ZNF519: variants seen among roughly 807,000 people sequenced by gnomAD.
The protein encoded by ZNF519 is similar to Zinc finger protein 85 (Zinc finger protein HPF4) (HTF1).
In ZNF519, 7 loss-of-function variants were observed where a neutral mutation model predicts 7.4. The ratio of observed to expected loss-of-function variants is 0.94; its 90% confidence interval spans 0.54 to 1.77. ZNF519 has a LOEUF of 1.77. Ranked by LOEUF, ZNF519 falls within the 40% of genes most tolerant of loss-of-function variation. The pLI is 0.00. For missense variants in ZNF519, 586 were observed against 623.1 expected, an observed-to-expected ratio of 0.94 and a Z score of 0.63; for synonymous variants, 179 against 203.3, an observed-to-expected ratio of 0.88 and a Z score of 1.02.
chr18:14,072,368 T>C (rs942925524), downstream of ZNF519: 1 of 152,238 alleles, frequency 6.6e-6, no homozygotes, highest in African/African-American at 2.4e-5. Context: ...GTTAGCTTGT[T>C]ACATTATGGT....
intron 2 of ZNF519, among the ~76,000 whole-genome samples, chr18:14,116,115 G>A (rs1355841310): frequency 6.6e-6 from 1 of 152,030 alleles, no homozygotes; most frequent in African/African-American, 2.4e-5. Context: ...CTTACCACAT[G>A]GAATAAAACT....
rs187222406 is a variant in ZNF519, at chr18:14,132,266, C to A, written c.3+9G>T. 8,271 of 1,613,864 alleles carry A rather than the reference C, an allele frequency of 5.1e-3. 37 individuals are homozygous for A. Among genetic ancestry groups the A allele is most frequent in the Non-Finnish European group, 5.7e-3 (6,701 of 1,179,828 alleles). On this transcript the variant is annotated intron_variant, in intron 1 of 2. Transcript: ENST00000590202. ...CCCAGTCTCGGTACGCCCTGCCCCC[C>A]ACACTCACCATTTCTCGGCTTCAGG...
rs16941611 is a variant in ZNF519 at position 14,101,749 on chromosome 18, C to G, written c.*3168G>C. Reference sequence around the variant, plus strand: ...CAGGGAGATGAAGTGTCCATCAGTTCTTTGATGATGTTCTGTGTGGAGCTC... The same window carrying G: ...CAGGGAGATGAAGTGTCCATCAGTTGTTTGATGATGTTCTGTGTGGAGCTC... On this transcript the variant is annotated 3_prime_UTR_variant, in exon 3 of 3. Transcript: ENST00000590202. 6.9e-3 allele frequency: 2,732 copies of G among 398,664 alleles called. 70 individuals are homozygous for G. Among genetic ancestry groups the G allele is most frequent in the African/African-American group, 0.049 (2,383 of 48,712 alleles). The allele number at this position is 398,664 out of a possible 1,614,324, so 24.7% of individuals were successfully genotyped here.
chr18:14,094,947 C>G (rs551254182), downstream of ZNF519, among the ~76,000 whole-genome samples: 205 of 152,260 alleles, frequency 1.3e-3, 2 homozygotes, highest in Middle Eastern at 0.017. Context: ...AATTAGTGAT[C>G]TGTGTTTTTT....
intron 1 of ZNF519, among the ~76,000 whole-genome samples, chr18:14,129,383 A>C (rs1051710202): frequency 2.6e-5 from 4 of 152,106 alleles, no homozygotes; most frequent in African/African-American, 9.7e-5. Flanking sequence ...GGGTATGTTC[A>C]GGAGTGGGTT....
intron 2 of ZNF519, chr18:14,123,119 G>T: frequency 4.5e-6 from 1 of 222,620 alleles, no homozygotes. Context: ...CTTACTTGGG[G>T]GTTTGGCTAC....
chr18:14,108,068 A>G (rs2046203064), intron 2 of ZNF519, among the ~76,000 whole-genome samples: 1 of 152,134 alleles, frequency 6.6e-6, no homozygotes. Flanking sequence ...CAAATTATAA[A>G]GCCCCAGGAC....
intron 1 of ZNF519, among the ~76,000 whole-genome samples, chr18:14,128,331 C>T (rs2046311720): frequency 7.2e-6 from 1 of 139,608 alleles, no homozygotes; most frequent in Non-Finnish European, 1.5e-5. Context: ...CATAACAGAA[C>T]AGCAAGAAAA....
At chr18:14,080,158 A>AATAAAAAC (rs1299487855) in intron 3 of ZNF519, 4 of 152,256 alleles carry the variant, frequency 2.6e-5, no homozygotes, top group African/African-American at 9.6e-5. Flanking sequence ...AGGGAAAAAC[A>AATAAAAAC]AATAAGAACA....
intron 2 of ZNF519, among the ~76,000 whole-genome samples, chr18:14,087,984 TAG>T (rs1462663720): frequency 6.6e-6 from 1 of 152,122 alleles, no homozygotes; most frequent in African/African-American, 2.4e-5. Context: ...TGGAACTATG[TAG>T]AGAGAGCTGG....
intron 1 of ZNF519, among the ~76,000 whole-genome samples, chr18:14,128,741 T>C (rs900412043): frequency 2.9e-5 from 4 of 140,316 alleles, no homozygotes; most frequent in Admixed American, 2.1e-4. Flanking sequence ...AAATGACCTA[T>C]TTAACTGATA....
At chr18:14,077,877 A>G (rs1258956096) in intron 4 of ZNF519, among the ~76,000 whole-genome samples, 1 of 152,202 alleles carries the variant, frequency 6.6e-6, no homozygotes, top group Non-Finnish European at 1.5e-5. Flanking sequence ...GGGATCATAC[A>G]ATAGACTGGT....
intron 2 of ZNF519, among the ~76,000 whole-genome samples, chr18:14,113,777 C>T (rs1355972978): frequency 6.6e-6 from 1 of 151,512 alleles, no homozygotes; most frequent in Non-Finnish European, 1.5e-5. Context: ...ACTAGAGTTC[C>T]CTTTTCTCCA....
rs186927845 is a variant in ZNF519 at position 14,105,403 on chromosome 18, C to T, written c.1137G>A (p.Lys379=). The T allele has an allele frequency of 6.8e-6, 11 of 1,610,300 alleles. No homozygotes were observed. Among genetic ancestry groups the T allele is most frequent in the Admixed American group, 6.7e-5 (4 of 59,626 alleles). ...IHTGEKPFRC[K]ECGKAFNRSS... Reference sequence around the variant, plus strand: ...TTCTATTAAAGGCTTTGCCACATTCCTTACATCTGAAAGGTTTCTCTCCGG... The same window carrying T: ...TTCTATTAAAGGCTTTGCCACATTCTTTACATCTGAAAGGTTTCTCTCCGG... The change falls in exon 3 of 3, where the codon AAG becomes AAA. Residue 379 remains lysine (K), a synonymous_variant. Coordinates refer to ENST00000590202, the MANE Select transcript of ZNF519 (RefSeq NM_145287.4).
At chr18:14,120,741 A>G (rs1377351462) in intron 2 of ZNF519, among the ~76,000 whole-genome samples, 1 of 152,108 alleles carries the variant, frequency 6.6e-6, no homozygotes, top group Non-Finnish European at 1.5e-5. Flanking sequence ...TTCCCCAAAG[A>G]AGACATACAT....
intron 2 of ZNF519, 171 bp downstream of exon 2, chr18:14,124,179 A>AAC: frequency 3.0e-6 from 1 of 332,094 alleles, no homozygotes; most frequent in South Asian, 7.6e-5. Context: ...GTCTCAATTA[A>AAC]AAAAAAAAAA....
intron 2 of ZNF519, among the ~76,000 whole-genome samples, chr18:14,089,781 T>A (rs766396008): frequency 2.6e-5 from 4 of 152,118 alleles, no homozygotes; most frequent in Admixed American, 6.5e-5. Flanking sequence ...AGGAAAAAAA[T>A]AATCATTAAA....
chr18:14,101,566 G>T lies in ZNF519; in HGVS notation c.*3351C>A. 2 of 397,874 alleles carry T rather than the reference G, an allele frequency of 5.0e-6. No individual in the cohort carries two copies. Among genetic ancestry groups the T allele is most frequent in the South Asian group, 1.3e-4 (1 of 7,472 alleles). 24.6% of individuals were successfully genotyped at this position (397,874 alleles called of 1,614,324 possible). A position where few individuals can be genotyped will look rare whatever the true frequency, so the allele number is the denominator to read the frequency against. ...TTAAAACTGTGGGTCACTCAATAGG[G>T]AAAGCCAAGGCACAAAGTCCTGTGA... On this transcript the variant is annotated 3_prime_UTR_variant, in exon 3 of 3. Coordinates refer to ENST00000590202, the MANE Select transcript of ZNF519 (RefSeq NM_145287.4).
At chr18:14,108,229 A>T (rs1172486304) in intron 2 of ZNF519, among the ~76,000 whole-genome samples, 2 of 152,162 alleles carry the variant, frequency 1.3e-5, no homozygotes, top group Non-Finnish European at 2.9e-5. Flanking sequence ...TCCTTGGTGA[A>T]ACTCGACCTT....
Sources: allele counts gnomAD v4.1 joint callset (sites outside exome capture counted in the v4.1 genomes callset), GRCh38; gene constraint gnomAD v4.1.1; transcripts MANE v1.5; gene names NCBI Gene and HGNC (gene_info 2026-07-23, HGNC 2026-07-21).